The following KIF18A variants were observed in gnomAD, a reference collection of about 807,000 sequenced individuals.
KIF18A encodes kinesin-like protein KIF18A.
In KIF18A, 67 loss-of-function variants were observed where a neutral mutation model predicts 103.3. The observed-to-expected ratio is 0.65, with a 90% CI of 0.53 to 0.79. The LOEUF is 0.79. KIF18A is among the 30% of genes least tolerant of loss of function. The pLI is 0.00. For missense variants in KIF18A, 1,032 were observed against 1,062.5 expected (o/e 0.97, Z 0.40); for synonymous variants, 367 against 355.5 (o/e 1.03, Z -0.36).
chr11:28,029,368 G>C (rs551980244), intron 15 of KIF18A, among the ~76,000 whole-genome samples: 206 of 152,220 alleles, frequency 1.4e-3, no homozygotes, highest in African/African-American at 4.4e-3. Flanking sequence ...TGCAAGGCTG[G>C]TTCAATATAC....
Position 28,036,328 on chromosome 11 carries a change from C to T in KIF18A, c.2285G>A (p.Gly762Glu), listed in dbSNP as rs780302078. The change falls in exon 14 of 17, where the codon GGA becomes GAA. Residue 762 changes from glycine to glutamate, a missense_variant. Coordinates refer to ENST00000263181, the MANE Select transcript of KIF18A (RefSeq NM_031217.4). ...AAATGTAGAGTCCAAGTCCTCCTGT[C>T]CACATTCTTTTCTTCTATTATGAGG... ...AIPHNRRKEC[G>E]QEDLDSTFTI... 2.5e-6 allele frequency: 4 copies of T among 1,610,642 alleles called. No individual in the cohort carries two copies. The highest frequency in any genetic ancestry group is 3.4e-6 in the Non-Finnish European group (4 of 1,177,702).
In KIF18A at chr11:28,023,883, ATT is replaced by A. The variant is rs34088899; in HGVS notation, c.2505-35_2505-34del. 340 of 1,122,300 alleles carry A rather than the reference ATT, an allele frequency of 3.0e-4. 2 individuals are homozygous for A. The highest frequency in any genetic ancestry group is 4.2e-4 in the Non-Finnish European group (310 of 745,072). 69.5% of individuals were successfully genotyped at this position (1,122,300 alleles called of 1,614,324 possible). A position where few individuals can be genotyped will look rare whatever the true frequency, so the allele number is the denominator to read the frequency against. On this transcript the variant is annotated intron_variant, in intron 15 of 16. Transcript: ENST00000263181. ...GGAAAAGTTTTTAATTTAGTTAAGCATTTTTTTTATACCTCAAAGTTCTAATA... is the reference window on the plus strand; with the variant it reads ...GGAAAAGTTTTTAATTTAGTTAAGCATTTTTTATACCTCAAAGTTCTAATA...
intron 13 of KIF18A, chr11:28,056,981 A>C: frequency 2.8e-6 from 1 of 351,040 alleles, no homozygotes; most frequent in Non-Finnish European, 5.5e-6. Context: ...GGCAGATTTG[A>C]CTATATAAAA....
At chr11:28,052,767 C>T (rs1424260154) in intron 13 of KIF18A, among the ~76,000 whole-genome samples, 1 of 152,028 alleles carries the variant, frequency 6.6e-6, no homozygotes, top group Non-Finnish European at 1.5e-5. Flanking sequence ...TCCCTATCAT[C>T]AGACAAGTGC....
chr11:28,082,702 A>T (rs781057782), intron 9 of KIF18A, among the ~76,000 whole-genome samples, 154 bp downstream of exon 9: 55 of 152,120 alleles, frequency 3.6e-4, no homozygotes, highest in Middle Eastern at 3.4e-3. Flanking sequence ...CAAGCCTGTT[A>T]TGTATGTATG....
intron 13 of KIF18A, among the ~76,000 whole-genome samples, chr11:28,054,940 T>C (rs373017102): frequency 2.6e-5 from 4 of 152,216 alleles, no homozygotes; most frequent in Non-Finnish European, 4.4e-5. Flanking sequence ...ATGTGAAATA[T>C]AGATTTTTAA....
chr11:28,082,781 A>C (rs1851181491), intron 9 of KIF18A, 75 bp downstream of exon 9: 1 of 841,380 alleles, frequency 1.2e-6, no homozygotes, highest in Admixed American at 2.6e-5. Flanking sequence ...ATAACAAATG[A>C]TAATTAACAT....
chr11:28,096,843 T>C (rs1359792327), intron 2 of KIF18A, among the ~76,000 whole-genome samples: 1 of 149,908 alleles, frequency 6.7e-6, no homozygotes, highest in Non-Finnish European at 1.5e-5. Flanking sequence ...ACTGAAAAAC[T>C]GGCCATTTTG....
intron 11 of KIF18A, 55 bp downstream of exon 11, chr11:28,069,204 A>G: frequency 7.3e-7 from 1 of 1,374,962 alleles, no homozygotes. Context: ...AAAAGAACAC[A>G]TTTTAGGAGC....
chr11:28,051,416 G>A (rs1332536466), intron 13 of KIF18A, among the ~76,000 whole-genome samples: 2 of 152,010 alleles, frequency 1.3e-5, no homozygotes, highest in African/African-American at 2.4e-5. Flanking sequence ...CACAGTGGCT[G>A]TTAAGGATGC....
intron 10 of KIF18A, 71 bp downstream of exon 10, chr11:28,076,935 GA>G (rs11433506): frequency 0.11 from 31,455 of 293,602 alleles, 4 homozygotes; most frequent in Non-Finnish European, 0.12. Flanking sequence ...GACTCCTTCT[GA>G]AAAAAAAAAA....
At chr11:28,066,660 C>A (rs984945855) in intron 11 of KIF18A, among the ~76,000 whole-genome samples, 2 of 151,460 alleles carry the variant, frequency 1.3e-5, no homozygotes, top group African/African-American at 2.4e-5. Context: ...AGGAAATATG[C>A]AAAATTGTAT....
intron 11 of KIF18A, among the ~76,000 whole-genome samples, chr11:28,065,086 T>C (rs1163402502): frequency 6.6e-6 from 1 of 151,712 alleles, no homozygotes; most frequent in Non-Finnish European, 1.5e-5. Context: ...GGCATAGGAG[T>C]CTGCATTAGG....
rs1850495156 is a variant in KIF18A at position 28,036,612 on chromosome 11, A to T, written c.2001T>A (p.Thr667=). The change falls in exon 14 of 17, where the codon ACT becomes ACA. Residue 667 remains threonine (T), a synonymous_variant. Transcript: ENST00000263181. ...AGGGAGATGGCATTAGTTTTCTCCG[A>T]GTTCTTTTTTCTGTAGGAATCTTAA... The part of the protein sequence containing the change: ...NLVKIPTEKR[T]RRKLMPSPLK... 1 of 1,610,222 alleles carries T rather than the reference A, an allele frequency of 6.2e-7. No individual in the cohort carries two copies. Among genetic ancestry groups the T allele is most frequent in the Non-Finnish European group, 8.5e-7 (1 of 1,177,672 alleles).
chr11:28,083,267 T>A (rs1485253096), intron 7 of KIF18A, 24 bp from the exon 8 acceptor site: 3 of 1,544,836 alleles, frequency 1.9e-6, no homozygotes, highest in Non-Finnish European at 2.6e-6. Flanking sequence ...GAAATTATGA[T>A]TGTTTATAGA....
chr11:28,065,030 A>G (rs1850901096), intron 11 of KIF18A, among the ~76,000 whole-genome samples: 1 of 152,114 alleles, frequency 6.6e-6, no homozygotes, highest in Non-Finnish European at 1.5e-5. Context: ...ATTGCAGTAG[A>G]ACATGAACGA....
chr11:28,070,741 G>T (rs1050955204), intron 10 of KIF18A, among the ~76,000 whole-genome samples: 2 of 152,174 alleles, frequency 1.3e-5, no homozygotes, highest in Non-Finnish European at 2.9e-5. Flanking sequence ...TGAGAATTGT[G>T]ACAGAATGCT....
chr11:28,081,938 T>A (rs571690626), intron 9 of KIF18A, among the ~76,000 whole-genome samples: 1 of 152,104 alleles, frequency 6.6e-6, no homozygotes, highest in Non-Finnish European at 1.5e-5. Flanking sequence ...CCAATCCTCA[T>A]GGATAACTAT....
intron 13 of KIF18A, among the ~76,000 whole-genome samples, chr11:28,057,977 G>A (rs1212813651): frequency 6.6e-6 from 1 of 152,062 alleles, no homozygotes. Context: ...CTAACAAAAA[G>A]CTTTATGTAA....
Sources: allele counts gnomAD v4.1 joint callset (sites outside exome capture counted in the v4.1 genomes callset), GRCh38; gene constraint gnomAD v4.1.1; transcripts MANE v1.5; gene names NCBI Gene and HGNC (gene_info 2026-07-23, HGNC 2026-07-21).